Variants in RCAN3 observed in about 807,000 individuals in gnomAD.
RCAN3 encodes calcipressin-3.
In RCAN3, 19 loss-of-function variants were observed where a neutral mutation model predicts 21.9. The observed-to-expected ratio is 0.87, with a 90% confidence interval of 0.61 to 1.27. RCAN3 has a LOEUF of 1.27. Ranked by LOEUF, RCAN3 falls within the 50% of genes most tolerant of loss-of-function variation. RCAN3 has a pLI of 0.00. For synonymous variants in RCAN3, 114 were observed against 112.3 expected (o/e 1.01, Z -0.09); for missense variants, 240 against 300.1 (o/e 0.80, Z 1.48).
chr1:24,508,701 C>T (rs957959510), intron 1 of RCAN3, among the ~76,000 whole-genome samples: 2 of 152,056 alleles, frequency 1.3e-5, no homozygotes, highest in African/African-American at 4.8e-5. Context: ...GGGGATATCG[C>T]GGGTTTCGTT....
At chr1:24,503,665 G>A (rs542718933) in intron 1 of RCAN3, among the ~76,000 whole-genome samples, 8 of 152,330 alleles carry the variant, frequency 5.3e-5, no homozygotes, top group Admixed American at 4.6e-4. Context: ...TCTGTTCCAG[G>A]TTGATTCTTC....
intron 3 of RCAN3, 102 bp downstream of exon 3, chr1:24,531,493 A>G: frequency 1.4e-6 from 1 of 732,280 alleles, no homozygotes; most frequent in Non-Finnish European, 2.0e-6. Context: ...AGAGGTGTGT[A>G]GAGTGAACCA....
chr1:24,531,931 A>T (rs992663691), intron 3 of RCAN3, among the ~76,000 whole-genome samples: 18 of 152,208 alleles, frequency 1.2e-4, no homozygotes, highest in African/African-American at 4.3e-4. Context: ...ACTCTCTGAG[A>T]AACCAATTTC....
chr1:24,515,984 A>C (rs974268855), intron 2 of RCAN3, among the ~76,000 whole-genome samples: 4 of 152,088 alleles, frequency 2.6e-5, no homozygotes, highest in African/African-American at 9.7e-5. Flanking sequence ...TTCTACTAAA[A>C]ATACAAAAAT....
intron 2 of RCAN3, among the ~76,000 whole-genome samples, chr1:24,519,096 A>T (rs1006477718): frequency 1.3e-5 from 2 of 152,070 alleles, no homozygotes; most frequent in Admixed American, 6.6e-5. Context: ...TTTTTAGTAG[A>T]GATAGAGTTT....
intron 3 of RCAN3, among the ~76,000 whole-genome samples, 156 bp from the exon 4 acceptor site, chr1:24,532,927 C>T (rs534789646): frequency 1.2e-4 from 14 of 112,610 alleles, no homozygotes; most frequent in Admixed American, 9.0e-4. Context: ...CCAGCCTGGG[C>T]GACAAAGTGA....
At chr1:24,530,267 A>G (rs1649641847) in intron 2 of RCAN3, among the ~76,000 whole-genome samples, 1 of 146,110 alleles carries the variant, frequency 6.8e-6, no homozygotes, top group South Asian at 2.3e-4. Context: ...AGGCAGGAGG[A>G]TTGCCTGAAC....
chr1:24,518,032 A>G (rs1406527622), intron 2 of RCAN3, among the ~76,000 whole-genome samples: 1 of 151,808 alleles, frequency 6.6e-6, no homozygotes, highest in African/African-American at 2.4e-5. Flanking sequence ...TAATTTCAAA[A>G]AATAATTTCT....
intron 2 of RCAN3, among the ~76,000 whole-genome samples, chr1:24,518,467 C>G (rs983826187): frequency 4.6e-5 from 7 of 152,222 alleles, no homozygotes; most frequent in African/African-American, 1.7e-4. Flanking sequence ...TGCATGTACT[C>G]TGCTAATCAA....
intron 2 of RCAN3, among the ~76,000 whole-genome samples, chr1:24,520,032 A>G (rs1185555640): frequency 2.0e-5 from 3 of 152,254 alleles, no homozygotes; most frequent in Non-Finnish European, 2.9e-5. Flanking sequence ...AAGTGATCTT[A>G]TGATTTTTAG....
At chr1:24,519,204 C>T (rs1049969185) in intron 2 of RCAN3, among the ~76,000 whole-genome samples, 3 of 145,960 alleles carry the variant, frequency 2.1e-5, no homozygotes, top group Non-Finnish European at 4.4e-5. Flanking sequence ...AGCCACTGTG[C>T]CTGGCCTGAT....
chr1:24,533,375 G>T (rs762993071), intron 4 of RCAN3, 121 bp downstream of exon 4: 2 of 734,396 alleles, frequency 2.7e-6, no homozygotes. Context: ...ACACACCTGG[G>T]TTCAGATTCC....
intron 2 of RCAN3, among the ~76,000 whole-genome samples, chr1:24,518,874 A>G (rs1648558300): frequency 6.6e-6 from 1 of 152,032 alleles, no homozygotes; most frequent in Non-Finnish European, 1.5e-5. Context: ...CCCGGGTTCA[A>G]GCAATCCTCC....
At chr1:24,519,660 C>T (rs1648635728) in intron 2 of RCAN3, among the ~76,000 whole-genome samples, 1 of 152,214 alleles carries the variant, frequency 6.6e-6, no homozygotes, top group South Asian at 2.1e-4. Flanking sequence ...TAAGACATCA[C>T]TACTTGTTCT....
intron 2 of RCAN3, among the ~76,000 whole-genome samples, chr1:24,519,881 A>G (rs953800925): frequency 6.6e-6 from 1 of 152,256 alleles, no homozygotes; most frequent in Non-Finnish European, 1.5e-5. Flanking sequence ...TCCCAGATAC[A>G]CTGGCCTAAA....
chr1:24,510,839 T>C (rs749001199), intron 1 of RCAN3, among the ~76,000 whole-genome samples: 5 of 152,188 alleles, frequency 3.3e-5, no homozygotes, highest in Non-Finnish European at 7.3e-5. Flanking sequence ...TGGCTTTTGA[T>C]TTAAAGTGAG....
intron 2 of RCAN3, among the ~76,000 whole-genome samples, chr1:24,523,641 C>G (rs142192498): frequency 7.1e-6 from 1 of 141,540 alleles, no homozygotes; most frequent in Non-Finnish European, 1.5e-5. Flanking sequence ...CACACACACA[C>G]ATATATATTT....
intron 3 of RCAN3, 60 bp from the exon 4 acceptor site, chr1:24,533,023 G>GA: frequency 9.6e-7 from 1 of 1,045,690 alleles, no homozygotes. Context: ...ACATAAAGGT[G>GA]AAAATGAAGA....
intron 2 of RCAN3, among the ~76,000 whole-genome samples, chr1:24,522,383 A>T (rs1423905412): frequency 1.3e-5 from 2 of 152,212 alleles, no homozygotes; most frequent in African/African-American, 4.8e-5. Context: ...ATGCATGCAC[A>T]GACTTGGAAG....
Sources: allele counts gnomAD v4.1 joint callset (sites outside exome capture counted in the v4.1 genomes callset), GRCh38; gene constraint gnomAD v4.1.1; transcripts MANE v1.5; gene names NCBI Gene and HGNC (gene_info 2026-07-23, HGNC 2026-07-21).